The following DDX60L variants were observed in gnomAD, a reference collection of about 807,000 sequenced individuals.
DDX60L encodes DExD/H-box 60 like.
In DDX60L, 191 loss-of-function variants were observed where a neutral mutation model predicts 211.6. The observed-to-expected ratio is 0.90, with a 90% confidence interval of 0.80 to 1.02. The LOEUF is 1.02. Among genes scored for constraint, DDX60L ranks in the 50% least tolerant of loss-of-function variants. DDX60L has a pLI of 0.00. For missense variants in DDX60L, 2,007 were observed against 1,984.1 expected, an observed-to-expected ratio of 1.01 and a Z score of -0.22; for synonymous variants, 706 against 694.1, an observed-to-expected ratio of 1.02 and a Z score of -0.27.
chr4:168,446,910 C>A (rs1232107910), intron 9 of DDX60L, among the ~76,000 whole-genome samples: 2 of 109,626 alleles, frequency 1.8e-5, no homozygotes, highest in African/African-American at 3.4e-5. Context: ...AAACGTTAGA[C>A]CTAAAACCAT....
At chr4:168,453,312 C>A in intron 7 of DDX60L, 30 bp from the exon 8 acceptor site, 1 of 1,581,490 alleles carries the variant, frequency 6.3e-7, no homozygotes, top group South Asian at 1.2e-5. Context: ...TGAGAACAGT[C>A]ACAATGTCAC....
At chr4:168,456,231 A>G in intron 6 of DDX60L, 79 bp from the exon 7 acceptor site, 3 of 788,750 alleles carry the variant, frequency 3.8e-6, no homozygotes, top group Non-Finnish European at 5.6e-6. Context: ...ACTTGTAAGA[A>G]ACATAAAGAA....
chr4:168,358,276 A>G lies in DDX60L; in HGVS notation c.4992T>C (p.Ser1664=), dbSNP rs753677260. The G allele has an allele frequency of 1.3e-6, 2 of 1,545,338 alleles. No individual in the cohort carries two copies. The highest frequency in any genetic ancestry group is 1.2e-5 in the South Asian group (1 of 82,052). Residue 1664 remains serine (S), a splice_region_variant and synonymous_variant, in exon 38 of 38, where the codon AGT becomes AGC. Coordinates refer to ENST00000682922, the MANE Select transcript of DDX60L (RefSeq NM_001012967.3). ...TTTCACATAGTTCACTCAAGGAGTCACTGTATAAATGATAATAATAATAAA... is the reference window on the plus strand; with the variant it reads ...TTTCACATAGTTCACTCAAGGAGTCGCTGTATAAATGATAATAATAATAAA... ...KDFAFNIQAI[S]DSLSELCENK... is the part of the protein sequence containing the mutation.
chr4:168,476,677 T>C (rs982708833), intron 1 of DDX60L, among the ~76,000 whole-genome samples: 2 of 152,132 alleles, frequency 1.3e-5, no homozygotes, highest in African/African-American at 2.4e-5. Context: ...AAAAATCATA[T>C]GCATCGGATC....
At chr4:168,450,464 G>A (rs1755654704) in intron 8 of DDX60L, among the ~76,000 whole-genome samples, 1 of 142,834 alleles carries the variant, frequency 7.0e-6, no homozygotes, top group South Asian at 2.2e-4. Context: ...TAAAACTCTG[G>A]TCTCCCTCAA....
At chr4:168,371,198 G>A (rs369155422) in intron 36 of DDX60L, among the ~76,000 whole-genome samples, 1 of 151,018 alleles carries the variant, frequency 6.6e-6, no homozygotes. Context: ...TAATAATTTA[G>A]TATAGTTTAT....
chr4:168,438,029 A>G (rs112983872), intron 10 of DDX60L, among the ~76,000 whole-genome samples: 1,933 of 152,172 alleles, frequency 0.013, 21 homozygotes, highest in Non-Finnish European at 0.02. Flanking sequence ...ACATGCCACC[A>G]TGCCCAGATA....
chr4:168,370,419 T>C (rs544467051), intron 36 of DDX60L, among the ~76,000 whole-genome samples: 6 of 151,940 alleles, frequency 3.9e-5, no homozygotes, highest in African/African-American at 1.2e-4. Flanking sequence ...GTTACAAAGA[T>C]TGGGGAGGGG....
At position 168,416,814 on chromosome 4, in the gene DDX60L, A is replaced by T. The variant is rs775025734; in HGVS notation, c.2611-17T>A. On this transcript the variant is annotated splice_polypyrimidine_tract_variant and intron_variant, in intron 19 of 37. Coordinates refer to ENST00000682922, the MANE Select transcript of DDX60L (RefSeq NM_001012967.3). ...ATAATGGACCTAGTAAAGAAAAAAA[A>T]ATCAGTTGAAAAGTTGATGTCAAAA... 3.5e-5 allele frequency: 49 copies of T among 1,397,948 alleles called. 1 individual carries two copies. In the South Asian group the frequency reaches 5.9e-4, roughly 17 times the overall value. 86.6% of individuals were successfully genotyped at this position (1,397,948 alleles called of 1,614,324 possible). A position where few individuals can be genotyped will look rare whatever the true frequency, so the allele number is the denominator to read the frequency against.
At chr4:168,387,276 T>A (rs763562908) in intron 29 of DDX60L, among the ~76,000 whole-genome samples, 1 of 152,178 alleles carries the variant, frequency 6.6e-6, no homozygotes, top group Admixed American at 6.5e-5. Flanking sequence ...GGTGCCAAGA[T>A]AAACTGTGGT....
At chr4:168,467,163 C>T (rs141014945) in intron 4 of DDX60L, among the ~76,000 whole-genome samples, 187 of 152,208 alleles carry the variant, frequency 1.2e-3, no homozygotes, top group Non-Finnish European at 2.1e-3. Flanking sequence ...AATCCCAACA[C>T]TCTGGGTGGC....
intron 25 of DDX60L, among the ~76,000 whole-genome samples, chr4:168,402,490 G>A (rs1314147213): frequency 6.6e-6 from 1 of 151,520 alleles, no homozygotes; most frequent in African/African-American, 2.4e-5. Context: ...TTAGTTAAGT[G>A]TTTTATATAA....
At chr4:168,382,633 A>T (rs2149686946) in intron 30 of DDX60L, among the ~76,000 whole-genome samples, 1 of 152,256 alleles carries the variant, frequency 6.6e-6, no homozygotes, top group South Asian at 2.1e-4. Flanking sequence ...TTTCATATTG[A>T]TCTAATTAAT....
rs763286896 is a variant in DDX60L, at chr4:168,430,581, T to G, written c.1574A>C (p.Gln525Pro). ...DFLKKIQDYQQFYGKSLESIS... is the reference protein window; with the variant it reads ...DFLKKIQDYQPFYGKSLESIS... ...TGATTCTAACGATTTCCCATAAAAT[T>G]GCTGATAATCCTGAATCTTTTTCAG... Residue 525 changes from glutamine (Q) to proline (P), a missense_variant, in exon 13 of 38, where the codon CAA (glutamine) becomes CCA (proline). By Grantham distance (76) the Gln-to-Pro change is moderately conservative. Coordinates refer to ENST00000682922, the MANE Select transcript of DDX60L (RefSeq NM_001012967.3). The G allele has an allele frequency of 6.3e-7, 1 of 1,599,864 alleles. No individual in the cohort carries two copies. Among genetic ancestry groups the G allele is most frequent in the South Asian group, 1.1e-5 (1 of 88,092 alleles).
In DDX60L at chr4:168,361,205, A is replaced by G; in HGVS notation, c.4935T>C (p.Arg1645=). Residue 1645 remains arginine, a synonymous_variant, in exon 37 of 38, where the codon CGT becomes CGC. Transcript: ENST00000682922. ...LTRLDQKNGM[R]MGQLLKCLKD... ...TCAAACACTTTAAAAGCTGTCCCAT[A>G]CGCATCCTAAAGAGAACAACATTTC... 6.3e-7 allele frequency: 1 copy of G among 1,583,022 alleles called. No individual in the cohort carries two copies. Among genetic ancestry groups the G allele is most frequent in the Non-Finnish European group, 8.7e-7 (1 of 1,153,354 alleles).
At chr4:168,445,410 C>A (rs1754618507) in intron 9 of DDX60L, among the ~76,000 whole-genome samples, 1 of 150,878 alleles carries the variant, frequency 6.6e-6, no homozygotes, top group African/African-American at 2.4e-5. Context: ...CAAAAAGAGT[C>A]CAGGACCAGA....
At chr4:168,472,330 C>G in intron 3 of DDX60L, 125 bp downstream of exon 3, 2 of 712,008 alleles carry the variant, frequency 2.8e-6, no homozygotes, top group South Asian at 4.0e-5. Context: ...GCGTTCCCAT[C>G]ATCTCCAAGC....
intron 13 of DDX60L, among the ~76,000 whole-genome samples, chr4:168,428,161 C>T (rs1173722437): frequency 6.6e-6 from 1 of 152,206 alleles, no homozygotes; most frequent in Admixed American, 6.5e-5. Flanking sequence ...AAGCCTGGAC[C>T]TTTGCCTGAG....
intron 36 of DDX60L, among the ~76,000 whole-genome samples, chr4:168,368,616 C>A (rs1740413411): frequency 6.6e-6 from 1 of 152,158 alleles, no homozygotes; most frequent in Non-Finnish European, 1.5e-5. Flanking sequence ...GAATGGTAGA[C>A]CCACTGAAAG....
Sources: allele counts gnomAD v4.1 joint callset (sites outside exome capture counted in the v4.1 genomes callset), GRCh38; gene constraint gnomAD v4.1.1; transcripts MANE v1.5; gene names NCBI Gene and HGNC (gene_info 2026-07-23, HGNC 2026-07-21).